TRPC7: variants seen among roughly 807,000 people sequenced by gnomAD.
The protein encoded by TRPC7 is short transient receptor potential channel 7.
In TRPC7, 42 loss-of-function variants were observed where a neutral mutation model predicts 90.1. The ratio of observed to expected loss-of-function variants is 0.47; its 90% CI spans 0.36 to 0.60. TRPC7 has a LOEUF of 0.60. Among genes scored for constraint, TRPC7 ranks in the 20% least tolerant of loss-of-function variants. TRPC7 has a pLI of 0.00. For synonymous variants in TRPC7, 451 were observed against 436.3 expected (o/e 1.03, Z -0.42); for missense variants, 955 against 1,112.3 (o/e 0.86, Z 2.01).
At chr5:136,320,381 G>T (rs1759155178) in intron 2 of TRPC7, among the ~76,000 whole-genome samples, 1 of 152,174 alleles carries the variant, frequency 6.6e-6, no homozygotes, top group African/African-American at 2.4e-5. Context: ...TCCTTGTCCT[G>T]TGTAGTTGAT....
intron 7 of TRPC7, among the ~76,000 whole-genome samples, chr5:136,237,111 T>C (rs1271541988): frequency 2.0e-5 from 3 of 152,166 alleles, no homozygotes; most frequent in Admixed American, 1.3e-4. Flanking sequence ...CTGAAAGCAG[T>C]TGGACCAGGT....
intron 7 of TRPC7, among the ~76,000 whole-genome samples, chr5:136,246,695 C>T (rs1261544474): frequency 1.3e-5 from 2 of 152,342 alleles, no homozygotes. Flanking sequence ...TAGATTGCAA[C>T]TCCCTCACTC....
chr5:136,274,633 G>T, intron 4 of TRPC7, 40 bp downstream of exon 4: 1 of 1,540,972 alleles, frequency 6.5e-7, no homozygotes. Flanking sequence ...GAAGAGAGAA[G>T]AAATAACCGC....
At chr5:136,309,746 C>T (rs1377247232) in intron 3 of TRPC7, among the ~76,000 whole-genome samples, 2 of 152,176 alleles carry the variant, frequency 1.3e-5, no homozygotes, top group African/African-American at 4.8e-5. Flanking sequence ...GAATTCAGTT[C>T]CAAATGGAAA....
intron 3 of TRPC7, among the ~76,000 whole-genome samples, chr5:136,299,193 C>T (rs1211721165): frequency 4.0e-5 from 6 of 151,492 alleles, no homozygotes; most frequent in East Asian, 1.9e-4. Context: ...CCCAGCTACT[C>T]GGGAGGCTGA....
intron 5 of TRPC7, among the ~76,000 whole-genome samples, chr5:136,257,086 A>G (rs975025750): frequency 3.4e-4 from 52 of 152,170 alleles, no homozygotes; most frequent in Admixed American, 2.9e-3. Context: ...GATCAGTTTT[A>G]CTTGTCTGGG....
At chr5:136,362,022 C>T (rs979637731) in intron 1 of TRPC7, among the ~76,000 whole-genome samples, 3 of 152,160 alleles carry the variant, frequency 2.0e-5, no homozygotes, top group African/African-American at 4.8e-5. Context: ...TCTTACCTAT[C>T]AATGCACTTA....
chr5:136,243,716 A>T (rs11955187), intron 7 of TRPC7, among the ~76,000 whole-genome samples: 24,731 of 151,160 alleles, frequency 0.16, 2,589 homozygotes, highest in African/African-American at 0.3. Context: ...GGTGACATGC[A>T]CCGGAGAGCA....
At chr5:136,300,285 C>T (rs1362666522) in intron 3 of TRPC7, among the ~76,000 whole-genome samples, 1 of 152,158 alleles carries the variant, frequency 6.6e-6, no homozygotes, top group Admixed American at 6.5e-5. Flanking sequence ...ACATTTTGTC[C>T]TTTTCCACCC....
intron 3 of TRPC7, among the ~76,000 whole-genome samples, chr5:136,280,995 T>C (rs547364867): frequency 6.6e-6 from 1 of 152,216 alleles, no homozygotes; most frequent in Non-Finnish European, 1.5e-5. Flanking sequence ...CAGGCCAGTT[T>C]GACATCAAAG....
At chr5:136,333,317 C>A (rs149428022) in intron 2 of TRPC7, among the ~76,000 whole-genome samples, 61 of 152,156 alleles carry the variant, frequency 4.0e-4, no homozygotes, top group Non-Finnish European at 4.6e-4. Flanking sequence ...ACAGGGCATT[C>A]CAAGCTGAGG....
At chr5:136,254,569 T>A (rs1421991295) in intron 5 of TRPC7, among the ~76,000 whole-genome samples, 2 of 152,266 alleles carry the variant, frequency 1.3e-5, no homozygotes, top group Admixed American at 6.5e-5. Flanking sequence ...TCAGAAAAAA[T>A]ATATTTCTTT....
At chr5:136,350,465 C>T (rs200147476) in intron 2 of TRPC7, among the ~76,000 whole-genome samples, 2 of 152,204 alleles carry the variant, frequency 1.3e-5, no homozygotes, top group Non-Finnish European at 2.9e-5. Context: ...AGAAGAGAAA[C>T]ATCATCTAAT....
rs1281562854 is a variant in TRPC7 at position 136,356,766 on chromosome 5, G to A, written c.622C>T (p.Arg208Trp). Reference sequence around the variant, plus strand: ...CGCGAGTGGCTGAAGGAGTCTTTCCGCTGTTTCTCGGTGCACTCATTGCAC... The same window carrying A: ...CGCGAGTGGCTGAAGGAGTCTTTCCACTGTTTCTCGGTGCACTCATTGCAC... ...CKCNECTEKQ[R>W]KDSFSHSRSR... The change falls in exon 2 of 12, where the codon CGG becomes TGG. Residue 208 changes from arginine (R) to tryptophan (W), a missense_variant. Arg to Trp is a moderately radical substitution (Grantham distance 101). Coordinates refer to ENST00000513104, the MANE Select transcript of TRPC7 (RefSeq NM_020389.3). The A allele has an allele frequency of 6.2e-7, 1 of 1,612,080 alleles. No homozygotes were observed. Among genetic ancestry groups the A allele is most frequent in the Non-Finnish European group, 8.5e-7 (1 of 1,178,832 alleles).
intron 2 of TRPC7, among the ~76,000 whole-genome samples, chr5:136,351,551 G>A (rs1760195326): frequency 6.6e-6 from 1 of 152,242 alleles, no homozygotes; most frequent in African/African-American, 2.4e-5. Context: ...CGGCAGCCCA[G>A]GTGGGGGCCT....
intron 8 of TRPC7, among the ~76,000 whole-genome samples, chr5:136,227,114 G>A (rs1755653653): frequency 6.6e-6 from 1 of 152,098 alleles, no homozygotes; most frequent in Non-Finnish European, 1.5e-5. Context: ...ATCCAGTTGT[G>A]TTCTCTTCTG....
intron 11 of TRPC7, chr5:136,214,051 G>A (rs1755174952): frequency 6.2e-6 from 1 of 161,672 alleles, no homozygotes; most frequent in Non-Finnish European, 1.4e-5. Context: ...AAACTCCCAG[G>A]AGCCTGGAGA....
intron 10 of TRPC7, among the ~76,000 whole-genome samples, chr5:136,217,066 C>T (rs879322346): frequency 2.6e-5 from 4 of 152,104 alleles, no homozygotes; most frequent in Non-Finnish European, 5.9e-5. Context: ...GCTAGTTGGT[C>T]CAGGGTTCCT....
intron 5 of TRPC7, among the ~76,000 whole-genome samples, chr5:136,257,570 A>G (rs1303849903): frequency 6.6e-6 from 1 of 152,116 alleles, no homozygotes; most frequent in African/African-American, 2.4e-5. Flanking sequence ...GCATATTTGT[A>G]TCAAATTGGA....
Sources: gnomAD v4.1 joint callset for allele counts (sites outside exome capture counted in the v4.1 genomes callset) on GRCh38, gnomAD v4.1.1 for gene constraint, MANE v1.5 for transcripts, NCBI Gene and HGNC (gene_info 2026-07-23, HGNC 2026-07-21) for gene names.